The following PHEX variants were observed in gnomAD, a reference collection of about 807,000 sequenced individuals.
PHEX encodes the protein phosphate regulating endopeptidase X-linked, also known as phosphate-regulating neutral endopeptidase PHEX.
A neutral mutation model predicts 68.0 loss-of-function variants in PHEX; 16 were observed. That is an observed-to-expected ratio of 0.24 (90% CI 0.16 to 0.36). PHEX has a LOEUF of 0.36. PHEX is among the 10% of genes least tolerant of loss of function. The pLI is 1.00. For synonymous variants in PHEX, 208 were observed against 205.1 expected, an observed-to-expected ratio of 1.01 and a Z score of -0.12; for missense variants, 480 against 575.5, an observed-to-expected ratio of 0.83 and a Z score of 1.70.
In PHEX at chrX:22,076,516, A is replaced by C. The variant is rs373119857; in HGVS notation, c.436+42A>C. 1,248 of 844,411 alleles carry C rather than the reference A, an allele frequency of 1.5e-3. 14 individuals are homozygous for C. In the South Asian group the frequency reaches 0.024, roughly 17 times the overall value. 69.6% of individuals were successfully genotyped at this position (844,411 alleles called of 1,213,427 possible). A position where few individuals can be genotyped will look rare whatever the true frequency, so the allele number is the denominator to read the frequency against. On this transcript the variant is annotated intron_variant, in intron 4 of 21. Coordinates refer to ENST00000379374, the MANE Select transcript of PHEX (RefSeq NM_000444.6). ...ACTAAATAAAATATTTACCATCCCT[A>C]TCCTTTAGAGTTCTATTAATGTTTT...
intron 11 of PHEX, among the ~76,000 whole-genome samples, chrX:22,122,217 A>G (rs902514767): frequency 5.4e-5 from 6 of 111,153 alleles, no homozygotes; most frequent in African/African-American, 1.6e-4. Flanking sequence ...GGTTGTTCTC[A>G]GTAAAGCCAC....
intron 20 of PHEX, among the ~76,000 whole-genome samples, chrX:22,235,918 CCCAAATGCCTACCACATTGAAG>C (rs1237278509): frequency 3.6e-5 from 4 of 110,764 alleles, no homozygotes; most frequent in African/African-American, 1.3e-4. Context: ...TACAGTGGCT[CCCAAATGCCTACCACATTGAAG>C]CCAAATACCT....
At chrX:22,082,992 C>T (rs190269475) in intron 5 of PHEX, among the ~76,000 whole-genome samples, 242 of 111,542 alleles carry the variant, frequency 2.2e-3, no homozygotes, top group Non-Finnish European at 3.9e-3. Flanking sequence ...ACAGTGTGGC[C>T]GGTACAACTA....
At chrX:22,043,674 ACTCT>A (rs902511611) in intron 2 of PHEX, among the ~76,000 whole-genome samples, 13 of 110,866 alleles carry the variant, frequency 1.2e-4, no homozygotes, top group African/African-American at 4.3e-4. Flanking sequence ...TATTATTACT[ACTCT>A]CTCCCTTCAT....
chrX:22,086,272 G>A (rs138498455), intron 5 of PHEX, among the ~76,000 whole-genome samples: 2,648 of 111,741 alleles, frequency 0.024, 77 homozygotes, highest in African/African-American at 0.081. Flanking sequence ...GCCGAGTTAC[G>A]GAGCAGAGTT....
intron 3 of PHEX, 22 bp downstream of exon 3, chrX:22,047,233 G>T: frequency 8.6e-7 from 1 of 1,162,277 alleles, no homozygotes; most frequent in Non-Finnish European, 1.2e-6. Context: ...CTGGGGTTTG[G>T]TGATACACTT....
At chrX:22,141,290 C>T (rs1442386169) in intron 12 of PHEX, among the ~76,000 whole-genome samples, 1 of 111,385 alleles carries the variant, frequency 9.0e-6, no homozygotes, top group Non-Finnish European at 1.9e-5. Flanking sequence ...GCTGGCTGCT[C>T]TCCAGTTTTC....
At chrX:22,046,171 G>A (rs190787799) in intron 2 of PHEX, among the ~76,000 whole-genome samples, 1 of 112,184 alleles carries the variant, frequency 8.9e-6, no homozygotes, top group African/African-American at 3.2e-5. Flanking sequence ...TGCTGGCTTG[G>A]TTCTTCTCTA....
At chrX:22,128,150 G>C (rs979477861) in intron 11 of PHEX, among the ~76,000 whole-genome samples, 3 of 110,585 alleles carry the variant, frequency 2.7e-5, no homozygotes, top group Non-Finnish European at 5.7e-5. Context: ...CCTCCGCCTC[G>C]CGGGTTCAAG....
At chrX:22,225,000 G>GCGC (rs1935442905) in intron 18 of PHEX, among the ~76,000 whole-genome samples, 2 of 1,013 alleles carry the variant, frequency 2.0e-3, no homozygotes, top group Admixed American at 3.9e-3. Flanking sequence ...TATGTCAGAA[G>GCGC]TCTGACATGG....
chrX:22,179,304 T>C (rs1933808523), intron 14 of PHEX, among the ~76,000 whole-genome samples: 1 of 111,504 alleles, frequency 9.0e-6, no homozygotes, highest in South Asian at 3.7e-4. Flanking sequence ...TTTAATTTAA[T>C]TGTATTATTA....
At chrX:22,131,230 G>A (rs1602322041) in intron 11 of PHEX, among the ~76,000 whole-genome samples, 1 of 109,973 alleles carries the variant, frequency 9.1e-6, no homozygotes, top group Non-Finnish European at 1.9e-5. Flanking sequence ...TAGTAGAGAC[G>A]GGGTTTCACC....
intron 3 of PHEX, among the ~76,000 whole-genome samples, chrX:22,075,275 C>T (rs1292117340): frequency 1.0e-5 from 1 of 95,801 alleles, no homozygotes; most frequent in Non-Finnish European, 2.1e-5. Context: ...TAGACAGGAG[C>T]TCTGGGTTGC....
chrX:22,196,747 G>A (rs1219518362), intron 15 of PHEX, among the ~76,000 whole-genome samples: 1 of 112,141 alleles, frequency 8.9e-6, no homozygotes, highest in African/African-American at 3.2e-5. Flanking sequence ...CATGGCCTAA[G>A]GGCTAAAACC....
chrX:22,034,991 A>G (rs1926946113), intron 1 of PHEX, among the ~76,000 whole-genome samples: 1 of 110,703 alleles, frequency 9.0e-6, no homozygotes, highest in Non-Finnish European at 1.9e-5. Context: ...CACCCAGGCA[A>G]AGTGCTTGTC....
At chrX:22,212,231 G>A (rs138435874) in intron 15 of PHEX, among the ~76,000 whole-genome samples, 232 of 111,105 alleles carry the variant, frequency 2.1e-3, no homozygotes, top group African/African-American at 6.7e-3. Context: ...GCCTCTTAGG[G>A]CTATCAGAGC....
intron 2 of PHEX, among the ~76,000 whole-genome samples, chrX:22,040,116 C>T (rs1306036909): frequency 9.0e-6 from 1 of 111,636 alleles, no homozygotes; most frequent in Non-Finnish European, 1.9e-5. Context: ...TTTCAGGGAG[C>T]CAGATTCTAG....
At chrX:22,105,204 G>C (rs1010365158) in intron 9 of PHEX, among the ~76,000 whole-genome samples, 1 of 112,054 alleles carries the variant, frequency 8.9e-6, no homozygotes, top group Non-Finnish European at 1.9e-5. Context: ...CTGAATCAGA[G>C]GCTGAAATTG....
At chrX:22,039,562 G>A (rs1443293389) in intron 2 of PHEX, among the ~76,000 whole-genome samples, 1 of 112,395 alleles carries the variant, frequency 8.9e-6, no homozygotes, top group Non-Finnish European at 1.9e-5. Flanking sequence ...TGCAACTTAT[G>A]TTGAAAGTGC....
Sources: allele counts gnomAD v4.1 joint callset (sites outside exome capture counted in the v4.1 genomes callset), GRCh38; gene constraint gnomAD v4.1.1; transcripts MANE v1.5; gene names NCBI Gene and HGNC (gene_info 2026-07-23, HGNC 2026-07-21).